The following EPHA5 variants were observed in gnomAD, a reference collection of about 807,000 sequenced individuals.
EPHA5 encodes ephrin type-A receptor 5.
A neutral mutation model predicts 105.0 loss-of-function variants in EPHA5; 60 were observed. The observed-to-expected ratio is 0.57, with a 90% CI of 0.46 to 0.71. The LOEUF is 0.71. EPHA5 is among the 30% of genes least tolerant of loss of function. EPHA5 has a pLI of 0.00. For missense variants in EPHA5, 1,218 were observed against 1,274.7 expected (o/e 0.96, Z 0.68); for synonymous variants, 513 against 449.1 (o/e 1.14, Z -1.80).
chr4:65,581,676 G>C (rs571960357), intron 3 of EPHA5, among the ~76,000 whole-genome samples: 1 of 151,818 alleles, frequency 6.6e-6, no homozygotes, highest in Non-Finnish European at 1.5e-5. Context: ...CAGTTACCAG[G>C]TTTTGAGTTA....
intron 3 of EPHA5, among the ~76,000 whole-genome samples, chr4:65,529,190 GA>G (rs34617922): frequency 2.0e-5 from 3 of 151,404 alleles, no homozygotes; most frequent in African/African-American, 7.3e-5. Flanking sequence ...AAACTTTTAT[GA>G]AAAAAAATAA....
intron 6 of EPHA5, 32 bp downstream of exon 6, chr4:65,420,409 A>AT: frequency 6.5e-7 from 1 of 1,530,900 alleles, no homozygotes; most frequent in Non-Finnish European, 8.8e-7. Context: ...AAAAAAAGAA[A>AT]GTGAGGACAT....
Position 65,420,519 on chromosome 4 carries a change from G to A in EPHA5, c.1449C>T (p.Asn483=). 2 of 1,612,988 alleles carry A rather than the reference G, an allele frequency of 1.2e-6. No homozygotes were observed. Among genetic ancestry groups the A allele is most frequent in the Non-Finnish European group, 1.7e-6 (2 of 1,179,434 alleles). Residue 483 remains asparagine (N), a synonymous_variant, in exon 6 of 17, where the codon AAC becomes AAT. Coordinates refer to ENST00000613740, the MANE Select transcript of EPHA5 (RefSeq NM_001281766.3). ...TNVKKGKIAK[N]SISLSWQEPD... ...GTTCTTGCCAAGACAAAGAGATGCT[G>A]TTTTTTGCAATTTTCCCTTTTTTCA...
chr4:65,490,814 A>G, intron 4 of EPHA5, 102 bp from the exon 5 acceptor site: 1 of 1,206,072 alleles, frequency 8.3e-7, no homozygotes. Flanking sequence ...ATAGATTTGC[A>G]ATAAGTCCTT....
chr4:65,654,033 G>A (rs1261063967), intron 1 of EPHA5, among the ~76,000 whole-genome samples: 1 of 151,910 alleles, frequency 6.6e-6, no homozygotes, highest in Non-Finnish European at 1.5e-5. Flanking sequence ...AAGTTTTGTT[G>A]TTTAAACTAA....
intron 3 of EPHA5, among the ~76,000 whole-genome samples, chr4:65,598,409 T>C (rs1743388052): frequency 6.6e-6 from 1 of 152,174 alleles, no homozygotes; most frequent in African/African-American, 2.4e-5. Context: ...TAACATAGTA[T>C]TCTTTTACAC....
chr4:65,456,671 A>G (rs1244125509), intron 5 of EPHA5, among the ~76,000 whole-genome samples: 3 of 152,134 alleles, frequency 2.0e-5, no homozygotes, highest in African/African-American at 7.2e-5. Flanking sequence ...TGAAATATTA[A>G]TCTATCAAAG....
At position 65,414,338 on chromosome 4, in the gene EPHA5, C is replaced by T. The variant is rs760149987; in HGVS notation, c.1633G>A (p.Ala545Thr). Residue 545 changes from alanine to threonine, a missense_variant, in exon 7 of 17, where the codon GCA (alanine) becomes ACA (threonine). Physicochemically the swap from Ala to Thr is moderately conservative, Grantham distance 58. Coordinates refer to ENST00000613740, the MANE Select transcript of EPHA5 (RefSeq NM_001281766.3). ...VYVFQIRART[A>T]AGYGVFSRRF... is the part of the protein sequence containing the mutation. ...CGACTGAAGACACCATAGCCTGCTG[C>T]TGTACGTGCTCGAATTTGGAAGACA... The T allele has an allele frequency of 3.7e-6, 6 of 1,614,034 alleles. No individual in the cohort carries two copies. In the South Asian group the frequency reaches 6.6e-5, roughly 18 times the overall value.
chr4:65,492,518 TA>T (rs1296540036), intron 4 of EPHA5, among the ~76,000 whole-genome samples: 9 of 51,488 alleles, frequency 1.7e-4, no homozygotes, highest in African/African-American at 6.9e-4. Flanking sequence ...ACCCCTTAAC[TA>T]AAAAACTTGA....
intron 3 of EPHA5, among the ~76,000 whole-genome samples, chr4:65,575,550 C>T (rs1740812217): frequency 6.6e-6 from 1 of 152,146 alleles, no homozygotes; most frequent in Admixed American, 6.5e-5. Context: ...TTTCACCTTC[C>T]TTTATCCTAT....
At chr4:65,585,470 G>C (rs1742028891) in intron 3 of EPHA5, among the ~76,000 whole-genome samples, 1 of 151,666 alleles carries the variant, frequency 6.6e-6, no homozygotes. Flanking sequence ...TATTTACCAA[G>C]AGTGTTTTAA....
At chr4:65,661,413 C>A (rs1749548475) in intron 1 of EPHA5, among the ~76,000 whole-genome samples, 1 of 152,170 alleles carries the variant, frequency 6.6e-6, no homozygotes, top group South Asian at 2.1e-4. Context: ...TTCCCTCTTT[C>A]TAGAGACATC....
chr4:65,659,524 G>A (rs1402427263), intron 1 of EPHA5, among the ~76,000 whole-genome samples: 1 of 151,880 alleles, frequency 6.6e-6, no homozygotes, highest in Non-Finnish European at 1.5e-5. Context: ...AGCGTTTAAT[G>A]AGAGGGAAAA....
chr4:65,465,263 C>T (rs1376083420), intron 5 of EPHA5, among the ~76,000 whole-genome samples: 4 of 151,562 alleles, frequency 2.6e-5, no homozygotes, highest in African/African-American at 9.7e-5. Context: ...AGTGAAACCC[C>T]GTCTCTACTA....
intron 15 of EPHA5, among the ~76,000 whole-genome samples, chr4:65,334,982 A>G (rs1415843290): frequency 1.3e-5 from 2 of 152,022 alleles, no homozygotes; most frequent in Non-Finnish European, 2.9e-5. Flanking sequence ...CTACCACAGG[A>G]AGTTAATGAT....
At chr4:65,375,291 T>G (rs959161152) in intron 8 of EPHA5, among the ~76,000 whole-genome samples, 1 of 151,686 alleles carries the variant, frequency 6.6e-6, no homozygotes, top group South Asian at 2.1e-4. Context: ...TCTTTTTTAT[T>G]TTTTTTTCAC....
chr4:65,371,746 A>C (rs975448300), intron 8 of EPHA5, among the ~76,000 whole-genome samples: 37 of 152,048 alleles, frequency 2.4e-4, no homozygotes, highest in African/African-American at 8.0e-4. Context: ...GCAAAACAAT[A>C]GCCTCCATAC....
At chr4:65,587,302 C>T (rs1416191375) in intron 3 of EPHA5, among the ~76,000 whole-genome samples, 1 of 152,086 alleles carries the variant, frequency 6.6e-6, no homozygotes, top group South Asian at 2.1e-4. Context: ...TTATTTTGTA[C>T]AGTCCAGTTT....
chr4:65,488,797 A>G (rs762352903), intron 5 of EPHA5, among the ~76,000 whole-genome samples: 9 of 151,990 alleles, frequency 5.9e-5, no homozygotes, highest in Admixed American at 1.3e-4. Context: ...CATTAATCAC[A>G]TGCTTCACAC....
Sources: gnomAD v4.1 joint callset for allele counts (sites outside exome capture counted in the v4.1 genomes callset) on GRCh38, gnomAD v4.1.1 for gene constraint, MANE v1.5 for transcripts, NCBI Gene and HGNC (gene_info 2026-07-23, HGNC 2026-07-21) for gene names.